The following DST variants were observed in gnomAD, a reference collection of about 807,000 sequenced individuals.
DST encodes dystonin, also known as bullous pemphigoid antigen.
A neutral mutation model predicts 875.2 loss-of-function variants in DST; 253 were observed. The observed-to-expected ratio is 0.29, with a 90% confidence interval of 0.26 to 0.32. The LOEUF (loss-of-function observed/expected upper bound fraction) is 0.32, where lower values mean the gene tolerates loss of function less well. Ranked by LOEUF, DST falls within the 10% of genes least tolerant of loss-of-function variation. The pLI, the probability that DST is intolerant of heterozygous loss-of-function variation, is 1.00. For missense variants in DST, 8,287 were observed against 9,111.6 expected, an observed-to-expected ratio of 0.91 and a Z score of 3.68; for synonymous variants, 3,124 against 3,197.1, an observed-to-expected ratio of 0.98 and a Z score of 0.77.
At chr6:56,910,391 C>G (rs1798328645) in intron 2 of DST, among the ~76,000 whole-genome samples, 2 of 152,338 alleles carry the variant, frequency 1.3e-5, no homozygotes, top group South Asian at 4.1e-4. Context: ...CTCCTGGCCT[C>G]AAGAATCCTC....
At chr6:56,509,048 C>A (rs755922143) in intron 74 of DST, among the ~76,000 whole-genome samples, 8 of 152,200 alleles carry the variant, frequency 5.3e-5, no homozygotes, top group Non-Finnish European at 1.0e-4. Flanking sequence ...TATCCTTAAT[C>A]CCAAAGGGAG....
rs939513494 is a variant in DST at position 56,916,531 on chromosome 6, C to T, written c.217-15910G>A. ...CTTTGGGAGGCCAAGGCGAGCAGAT[C>T]GCTTGAGCCCAGGAGTTCGAGACTA... On this transcript the variant is annotated intron_variant, in intron 2 of 103. Coordinates refer to ENST00000680361, the MANE Select transcript of DST (RefSeq NM_001374736.1). Among the ~76,000 whole-genome samples the T allele has an allele frequency of 2.6e-5, 4 of 152,162 alleles. No individual in the cohort carries two copies. In the East Asian group the frequency reaches 5.8e-4, roughly 22 times the overall value.
At chr6:56,588,364 T>G (rs763545798) in intron 49 of DST, among the ~76,000 whole-genome samples, 1 of 152,232 alleles carries the variant, frequency 6.6e-6, no homozygotes, top group Non-Finnish European at 1.5e-5. Context: ...CCCGCCATCC[T>G]GAACTTGGCT....
At chr6:56,509,306 CAG>C (rs929105908) in intron 74 of DST, among the ~76,000 whole-genome samples, 21 of 152,088 alleles carry the variant, frequency 1.4e-4, no homozygotes, top group Admixed American at 1.3e-3. Context: ...TGTAAGGTAG[CAG>C]AGTCAGTAAT....
chr6:56,642,061 T>G lies in DST; in HGVS notation c.1913A>C (p.Glu638Ala). 2.5e-6 allele frequency: 4 copies of G among 1,613,074 alleles called. No individual in the cohort carries two copies. Among genetic ancestry groups the G allele is most frequent in the Non-Finnish European group, 3.4e-6 (4 of 1,179,268 alleles). The change falls in exon 17 of 104, where the codon GAA becomes GCA. Residue 638 changes from glutamate to alanine, a missense_variant. Around this residue, in one of 10 missense-constraint regions of DST, gnomAD observed 1,160 missense variants for 1,424.3 expected, o/e 0.81. Transcript: ENST00000680361. ...RLESGVQFQN[E>A]AEIAGYILEC... ...AAGTATATACCCAGCAATTTCTGCT[T>G]CATTCTGAAACTGCACTCCTGATTC...
chr6:56,852,558 G>A (rs1293251376), intron 3 of DST, among the ~76,000 whole-genome samples: 1 of 152,158 alleles, frequency 6.6e-6, no homozygotes, highest in Non-Finnish European at 1.5e-5. Context: ...GAGGGAAAAG[G>A]CACAAGATGT....
At chr6:56,798,688 C>T (rs1350592848) in intron 4 of DST, among the ~76,000 whole-genome samples, 1 of 152,130 alleles carries the variant, frequency 6.6e-6, no homozygotes. Context: ...AAGGCTACAG[C>T]TACCATCAAT....
intron 5 of DST, among the ~76,000 whole-genome samples, chr6:56,712,187 C>T (rs529482619): frequency 1.3e-5 from 2 of 152,042 alleles, no homozygotes; most frequent in East Asian, 3.9e-4. Flanking sequence ...TGGGCATTAC[C>T]TTTTACAGGT....
chr6:56,572,088 AGTG>A lies in DST; in HGVS notation c.13721+9_13721+11del. 1 of 1,385,016 alleles carries A rather than the reference AGTG, an allele frequency of 7.2e-7. No individual in the cohort carries two copies. The highest frequency in any genetic ancestry group is 9.6e-7 in the Non-Finnish European group (1 of 1,041,526). 85.8% of individuals were successfully genotyped at this position (1,385,016 alleles called of 1,614,324 possible). A position where few individuals can be genotyped will look rare whatever the true frequency, so the allele number is the denominator to read the frequency against. Reference sequence around the variant, plus strand: ...AAATAGAATAAAATATAATTTTTAAAGTGGTACTTACTTTTCTTTGATGGTATC... The same window carrying A: ...AAATAGAATAAAATATAATTTTTAAAGTACTTACTTTTCTTTGATGGTATC... On this transcript the variant is annotated intron_variant, in intron 53 of 103. Transcript: ENST00000680361.
intron 36 of DST, chr6:56,616,512 A>G: frequency 6.2e-7 from 1 of 1,614,194 alleles, no homozygotes; most frequent in Non-Finnish European, 8.5e-7. Flanking sequence ...GGAAACAGAA[A>G]GCATTGGGAC....
intron 2 of DST, among the ~76,000 whole-genome samples, chr6:56,918,471 AACT>A (rs1802445251): frequency 6.6e-6 from 1 of 152,168 alleles, no homozygotes; most frequent in African/African-American, 2.4e-5. Context: ...TACCATACTT[AACT>A]ATTTTCCTAC....
At chr6:56,946,891 T>C (rs989678767) in intron 2 of DST, among the ~76,000 whole-genome samples, 1 of 152,228 alleles carries the variant, frequency 6.6e-6, no homozygotes, top group East Asian at 1.9e-4. Context: ...AACTTTAATG[T>C]ATTTCAGTCA....
intron 50 of DST, 97 bp downstream of exon 50, chr6:56,578,716 AC>A (rs1208034334): frequency 7.9e-7 from 1 of 1,260,586 alleles, no homozygotes; most frequent in Non-Finnish European, 1.1e-6. Context: ...CACATAGAAC[AC>A]AATCTATAAC....
chr6:56,548,789 T>TA (rs2097271512), intron 61 of DST, among the ~76,000 whole-genome samples: 7 of 152,240 alleles, frequency 4.6e-5, no homozygotes, highest in Admixed American at 4.6e-4. Context: ...TCAGACATGT[T>TA]AGTCCAATGA....
At chr6:56,461,312 C>G (rs2094318520) in intron 102 of DST, 1 of 152,172 alleles carries the variant, frequency 6.6e-6, no homozygotes, top group Non-Finnish European at 1.5e-5. Context: ...TACTTTTACA[C>G]ACATAACCAC....
intron 72 of DST, among the ~76,000 whole-genome samples, chr6:56,514,879 C>A (rs1222799275): frequency 6.6e-6 from 1 of 152,168 alleles, no homozygotes; most frequent in African/African-American, 2.4e-5. Context: ...TGTGCTCCTC[C>A]TACTTTACCC....
rs749722200 is a variant in DST at position 56,642,724 on chromosome 6, C to T, written c.1779-221G>A. ...ATTTTCATTTGAATCAAGACTGGTT[C>T]GAGTGCTGGTAGTGTTACTAAACAC... On this transcript the variant is annotated intron_variant, in intron 15 of 103. Transcript: ENST00000680361. The T allele has an allele frequency of 1.1e-4, 180 of 1,613,958 alleles. No individual in the cohort carries two copies. Among genetic ancestry groups the T allele is most frequent in the Middle Eastern group, 4.9e-4 (3 of 6,084 alleles).
chr6:56,730,716 G>A (rs1436132267), intron 5 of DST, among the ~76,000 whole-genome samples: 1 of 152,130 alleles, frequency 6.6e-6, no homozygotes. Context: ...AAATGTTCCT[G>A]ACACCAGTAA....
chr6:56,749,518 C>T (rs1455136634), intron 4 of DST, among the ~76,000 whole-genome samples: 3 of 152,026 alleles, frequency 2.0e-5, no homozygotes, highest in African/African-American at 7.3e-5. Context: ...ATCAGATATA[C>T]CTTAATACAC....
Sources: allele counts gnomAD v4.1 joint callset (sites outside exome capture counted in the v4.1 genomes callset), GRCh38; gene constraint gnomAD v4.1.1; regional missense constraint gnomAD v4.1.1; transcripts MANE v1.5; gene names NCBI Gene and HGNC (gene_info 2026-07-23, HGNC 2026-07-21).